ATP23: variants seen among roughly 807,000 people sequenced by gnomAD.
ATP23 encodes ATP23 metallopeptidase and ATP synthase assembly factor homolog.
ATP23 carries 24 observed loss-of-function variants against 28.5 expected under a neutral mutation model. The observed-to-expected ratio is 0.84, with a 90% CI of 0.61 to 1.18. The LOEUF is 1.18. Among genes scored for constraint, ATP23 ranks in the 50% most tolerant of loss-of-function variants. The probability of loss-of-function intolerance (pLI) is 0.00; values close to 1 mark genes in which losing one functional copy is unlikely to be tolerated. For missense variants in ATP23, 274 were observed against 306.4 expected (o/e 0.89, Z 0.79); for synonymous variants, 99 against 108.6 (o/e 0.91, Z 0.55).
At chr12:57,947,243 G>A (rs1447065443) in intron 3 of ATP23, among the ~76,000 whole-genome samples, 167 bp downstream of exon 3, 1 of 152,148 alleles carries the variant, frequency 6.6e-6, no homozygotes, top group East Asian at 1.9e-4. Context: ...CTCTTAAGGA[G>A]TTTACAGCCT....
intron 3 of ATP23, chr12:57,949,630 A>T (rs1956795982): frequency 6.6e-6 from 1 of 152,268 alleles, no homozygotes; most frequent in Non-Finnish European, 1.5e-5. Flanking sequence ...AGTAGTTGGG[A>T]CTACAGGAGT....
chr12:57,957,110 A>G lies in ATP23; in HGVS notation c.*220A>G. On this transcript the variant is annotated 3_prime_UTR_variant, in exon 6 of 6. Transcript: ENST00000300145. ...ATTGTATCTTTATAGCTAACCATTT[A>G]GTAAATAAATACATTACATTTTTGT... is the stretch of plus-strand genomic sequence containing the variant. 1 of 395,848 alleles carries G rather than the reference A, an allele frequency of 2.5e-6. No individual in the cohort carries two copies. The highest frequency in any genetic ancestry group is 4.4e-6 in the Non-Finnish European group (1 of 226,370). 24.5% of individuals were successfully genotyped at this position (395,848 alleles called of 1,614,324 possible). A position where few individuals can be genotyped will look rare whatever the true frequency, so the allele number is the denominator to read the frequency against.
In ATP23 at chr12:57,958,258, A is replaced by G. The variant is rs1468882771; in HGVS notation, c.*1368A>G. Among the ~76,000 whole-genome samples, 1 of 152,096 alleles carries G rather than the reference A, an allele frequency of 6.6e-6. No homozygotes were observed. Among genetic ancestry groups the G allele is most frequent in the East Asian group, 1.9e-4 (1 of 5,186 alleles). On this transcript the variant is annotated 3_prime_UTR_variant, in exon 6 of 6. Coordinates refer to ENST00000300145, the MANE Select transcript of ATP23 (RefSeq NM_033276.4). ...GCCCAAGGAGAGTCTGAGCTCAGAC[A>G]TGTCTATCCCTGCCCCGACCTGATG...
At chr12:57,955,682 CTT>C (rs1396699627) in intron 5 of ATP23, among the ~76,000 whole-genome samples, 1 of 152,188 alleles carries the variant, frequency 6.6e-6, no homozygotes, top group East Asian at 1.9e-4. Context: ...AATTTCCTCT[CTT>C]TTTAGCAACT....
chr12:57,944,846 C>T (rs748010916), intron 1 of ATP23, among the ~76,000 whole-genome samples: 11 of 152,304 alleles, frequency 7.2e-5, no homozygotes, highest in South Asian at 4.1e-4. Flanking sequence ...TGGAAATAGT[C>T]TGTAGTACCC....
rs540771862 is a variant in ATP23 at position 57,958,552 on chromosome 12, A to G, written c.*1662A>G. Among the ~76,000 whole-genome samples the G allele has an allele frequency of 2.0e-5, 3 of 152,340 alleles. No individual in the cohort carries two copies. In the East Asian group the frequency reaches 5.8e-4, roughly 29 times the overall value. ...GCCGAGAGACCCATAGACGGTTCAC[A>G]TCACAGGATTCTGTGCAGGCAACCC... is the stretch of plus-strand genomic sequence containing the variant. On this transcript the variant is annotated 3_prime_UTR_variant, in exon 6 of 6. Transcript: ENST00000300145.
Position 57,957,916 on chromosome 12 carries a change from A to G in ATP23, c.*1026A>G, listed in dbSNP as rs879879155. ...GAACTTGGGAGAGGGCACAAATCCC[A>G]TGTGCAGAATCCACAGAGGGGAAGA... On this transcript the variant is annotated 3_prime_UTR_variant, in exon 6 of 6. Coordinates refer to ENST00000300145, the MANE Select transcript of ATP23 (RefSeq NM_033276.4). Among the ~76,000 whole-genome samples, 4 of 152,214 alleles carry G rather than the reference A, an allele frequency of 2.6e-5. No homozygotes were observed. The highest frequency in any genetic ancestry group is 7.2e-5 in the African/African-American group (3 of 41,456).
chr12:57,945,421 C>T (rs1210153469), intron 1 of ATP23, among the ~76,000 whole-genome samples: 4 of 151,550 alleles, frequency 2.6e-5, no homozygotes, highest in Non-Finnish European at 5.9e-5. Flanking sequence ...TTAGTAGAGA[C>T]GGGGTTTGCC....
intron 5 of ATP23, among the ~76,000 whole-genome samples, chr12:57,954,398 A>T (rs1288670359): frequency 6.6e-6 from 1 of 152,126 alleles, no homozygotes; most frequent in African/African-American, 2.4e-5. Context: ...TGCACAAGTT[A>T]TGGCTATGTG....
Position 57,958,432 on chromosome 12 carries a change from A to C in ATP23, c.*1542A>C, listed in dbSNP as rs776043071. On this transcript the variant is annotated 3_prime_UTR_variant, in exon 6 of 6. Transcript: ENST00000300145. ...CTCCTGGCAGGAGGCCAGCCAGCAC[A>C]AAAATAGAGCCTTCAACCACCAAAG... 1.4e-4 allele frequency among the ~76,000 whole-genome samples: 22 copies of C among 152,206 alleles called. No homozygotes were observed. Among genetic ancestry groups the C allele is most frequent in the Non-Finnish European group, 2.8e-4 (19 of 68,030 alleles).
chr12:57,946,488 T>A (rs1474459706), intron 2 of ATP23, among the ~76,000 whole-genome samples: 2 of 148,898 alleles, frequency 1.3e-5, no homozygotes, highest in African/African-American at 2.5e-5. Flanking sequence ...AGTTTTGCTC[T>A]TTTTTTTTGC....
At chr12:57,951,724 A>G (rs1218557087) in intron 3 of ATP23, 34 bp from the exon 4 acceptor site, 4 of 1,607,918 alleles carry the variant, frequency 2.5e-6, no homozygotes, top group Non-Finnish European at 3.4e-6. Flanking sequence ...AGATTTTAGA[A>G]TCACTGAACT....
chr12:57,948,836 A>G (rs771382066), intron 3 of ATP23, among the ~76,000 whole-genome samples: 2 of 152,160 alleles, frequency 1.3e-5, no homozygotes, highest in Non-Finnish European at 1.5e-5. Context: ...TACATATACA[A>G]TCCAACAGTG....
In ATP23 at chr12:57,947,025, C is replaced by A. The variant is rs201097826; in HGVS notation, c.264C>A (p.Cys88Ter). 1 of 1,613,912 alleles carries A rather than the reference C, an allele frequency of 6.2e-7. No individual in the cohort carries two copies. The highest frequency in any genetic ancestry group is 1.1e-5 in the South Asian group (1 of 91,054). ...CAVNKDRHFS[C>*]EDCNGNVSGG... is the part of the protein sequence containing the mutation. ...TTAACAAAGATAGACACTTTTCTTGCGAAGACTGTAATGGAAATGTCAGTG... is the reference window on the plus strand; with the variant it reads ...TTAACAAAGATAGACACTTTTCTTGAGAAGACTGTAATGGAAATGTCAGTG... Residue 88 changes from cysteine to a stop codon, truncating the protein, a stop_gained, in exon 3 of 6, where the codon TGC becomes TGA. Transcript: ENST00000300145. LOFTEE classifies it high-confidence loss of function.
At chr12:57,953,730 C>A (rs368625083) in intron 5 of ATP23, 41 bp downstream of exon 5, 1 of 1,502,414 alleles carries the variant, frequency 6.7e-7, no homozygotes, top group East Asian at 2.3e-5. Context: ...CAGAGTGTTA[C>A]GAGTGGAAAT....
At chr12:57,943,040 AC>A (rs1308022506) in intron 1 of ATP23, among the ~76,000 whole-genome samples, 1 of 152,190 alleles carries the variant, frequency 6.6e-6, no homozygotes, top group African/African-American at 2.4e-5. Flanking sequence ...AGATTTTCCA[AC>A]CTTCTTGGGA....
At chr12:57,947,276 C>T (rs1438781721) in intron 3 of ATP23, among the ~76,000 whole-genome samples, 200 bp downstream of exon 3, 2 of 152,112 alleles carry the variant, frequency 1.3e-5, no homozygotes, top group Non-Finnish European at 2.9e-5. Flanking sequence ...AAGACATGAA[C>T]ACAGATAATT....
At chr12:57,953,372 A>C (rs532475727) in intron 4 of ATP23, among the ~76,000 whole-genome samples, 9 of 152,274 alleles carry the variant, frequency 5.9e-5, no homozygotes, top group African/African-American at 2.2e-4. Flanking sequence ...TAGGCGATTG[A>C]ACTTTTCCCC....
intron 1 of ATP23, among the ~76,000 whole-genome samples, chr12:57,944,036 C>G (rs1048031819): frequency 4.4e-5 from 6 of 135,002 alleles, no homozygotes; most frequent in African/African-American, 1.7e-4. Flanking sequence ...TGCTGCAGGT[C>G]CTTTTTGAAG....
Sources: gnomAD v4.1 joint callset for allele counts (sites outside exome capture counted in the v4.1 genomes callset) on GRCh38, gnomAD v4.1.1 for gene constraint, MANE v1.5 for transcripts, NCBI Gene and HGNC (gene_info 2026-07-23, HGNC 2026-07-21) for gene names.